NOL4: variants seen among roughly 807,000 people sequenced by gnomAD.
NOL4 encodes nucleolar protein 4.
In NOL4, 17 loss-of-function variants were observed where a neutral mutation model predicts 75.9. That is an observed-to-expected ratio of 0.22 (90% CI 0.15 to 0.34). The LOEUF is 0.34. Ranked by LOEUF, NOL4 falls within the 10% of genes least tolerant of loss-of-function variation. The pLI, the probability that NOL4 is intolerant of heterozygous loss-of-function variation, is 1.00. For missense variants in NOL4, 614 were observed against 793.5 expected, an observed-to-expected ratio of 0.77 and a Z score of 2.72; for synonymous variants, 292 against 289.9, an observed-to-expected ratio of 1.01 and a Z score of -0.07.
rs115977338 is a variant in NOL4, at chr18:34,185,718, A to G, written c.264+37272T>C. On this transcript the variant is annotated intron_variant, in intron 1 of 10. Transcript: ENST00000261592. ...CACTTTCTTTCACTTTATAGAGTGC[A>G]TGAGCTTTGTACCTCTCATTTCAAG... Among the ~76,000 whole-genome samples the G allele has an allele frequency of 6.9e-3, 1,043 of 152,242 alleles. 13 individuals carry two copies. The highest frequency in any genetic ancestry group is 0.023 in the African/African-American group (953 of 41,568).
chr18:33,864,989 C>A (rs1369356884), intron 10 of NOL4, among the ~76,000 whole-genome samples: 1 of 152,128 alleles, frequency 6.6e-6, no homozygotes, highest in African/African-American at 2.4e-5. Flanking sequence ...ATTTAATCAC[C>A]TCCCATCATG....
chr18:34,204,004 G>A (rs2035945148), intron 1 of NOL4, among the ~76,000 whole-genome samples: 2 of 152,010 alleles, frequency 1.3e-5, no homozygotes, highest in African/African-American at 4.8e-5. Context: ...ATAAGACAGT[G>A]TAGACAGTGT....
chr18:34,184,055 T>A (rs932831104), intron 1 of NOL4, among the ~76,000 whole-genome samples: 1 of 151,800 alleles, frequency 6.6e-6, no homozygotes, highest in Non-Finnish European at 1.5e-5. Context: ...AAGTTAACTA[T>A]GCAAATGAAC....
chr18:34,036,440 G>A (rs2075902064), intron 5 of NOL4, among the ~76,000 whole-genome samples: 1 of 152,016 alleles, frequency 6.6e-6, no homozygotes, highest in African/African-American at 2.4e-5. Flanking sequence ...AACCAATTAG[G>A]CATAGAAGGA....
At chr18:33,972,528 T>C (rs1410380751) in intron 6 of NOL4, among the ~76,000 whole-genome samples, 1 of 152,172 alleles carries the variant, frequency 6.6e-6, no homozygotes, top group Non-Finnish European at 1.5e-5. Context: ...TGTAAAATCG[T>C]GCAACTAACA....
chr18:33,896,867 T>C (rs1197053121), intron 9 of NOL4, among the ~76,000 whole-genome samples: 1 of 152,054 alleles, frequency 6.6e-6, no homozygotes, highest in African/African-American at 2.4e-5. Context: ...TTGCCAACCA[T>C]GCATCTGACA....
At chr18:34,203,994 A>G (rs1216950111) in intron 1 of NOL4, among the ~76,000 whole-genome samples, 1 of 152,082 alleles carries the variant, frequency 6.6e-6, no homozygotes, top group Admixed American at 6.6e-5. Flanking sequence ...ACAAGTGCTG[A>G]TAAGACAGTG....
intron 9 of NOL4, among the ~76,000 whole-genome samples, chr18:33,930,678 AT>A (rs992538995): frequency 2.0e-5 from 3 of 152,158 alleles, no homozygotes; most frequent in Admixed American, 6.6e-5. Context: ...AAAAGCACAC[AT>A]TTTTTAGGAC....
intron 5 of NOL4, among the ~76,000 whole-genome samples, chr18:34,042,391 G>A (rs1334704405): frequency 6.6e-6 from 1 of 152,002 alleles, no homozygotes; most frequent in African/African-American, 2.4e-5. Flanking sequence ...AAAGTTGAGA[G>A]GAATATGTCC....
At chr18:34,200,586 G>T (rs1007757047) in intron 1 of NOL4, among the ~76,000 whole-genome samples, 12 of 151,498 alleles carry the variant, frequency 7.9e-5, no homozygotes, top group Middle Eastern at 3.4e-3. Flanking sequence ...TAACTTTTAC[G>T]AATCTTTTAC....
chr18:34,190,997 A>T (rs547425765), intron 1 of NOL4, among the ~76,000 whole-genome samples: 38 of 152,232 alleles, frequency 2.5e-4, no homozygotes, highest in African/African-American at 8.4e-4. Context: ...TTACTTAAAA[A>T]TATAAAGATA....
intron 5 of NOL4, among the ~76,000 whole-genome samples, chr18:34,054,202 A>T (rs1475795284): frequency 6.6e-6 from 1 of 151,914 alleles, no homozygotes; most frequent in Non-Finnish European, 1.5e-5. Flanking sequence ...CTTTATATGT[A>T]TGTTAGGTCC....
intron 5 of NOL4, chr18:34,048,385 G>T: frequency 1.1e-6 from 1 of 925,568 alleles, no homozygotes; most frequent in Non-Finnish European, 1.3e-6. Context: ...TCTTCAACAA[G>T]ACTTAGACAA....
intron 1 of NOL4, among the ~76,000 whole-genome samples, chr18:34,191,759 G>T (rs2034933396): frequency 2.0e-5 from 3 of 152,166 alleles, no homozygotes; most frequent in Admixed American, 2.0e-4. Context: ...AGCTGGAAAA[G>T]CAAGTGTGTA....
chr18:34,083,111 T>C (rs1175825851), intron 5 of NOL4, among the ~76,000 whole-genome samples: 1 of 152,200 alleles, frequency 6.6e-6, no homozygotes, highest in Non-Finnish European at 1.5e-5. Flanking sequence ...TCTTTATATA[T>C]ACACATACCC....
chr18:33,995,082 C>T (rs2073177654), intron 6 of NOL4, among the ~76,000 whole-genome samples: 1 of 151,546 alleles, frequency 6.6e-6, no homozygotes, highest in Non-Finnish European at 1.5e-5. Context: ...CATAAGCAAT[C>T]ATGGTAGACA....
rs746860695 is a variant in NOL4, at chr18:34,034,029, C to A, written c.773-14428G>T. ...ATTCATTAGCACTAGACTCTCCCTA[C>A]GAGAAATGCTCAAGGCAGTCTTCAA... On this transcript the variant is annotated intron_variant, in intron 5 of 10. Transcript: ENST00000261592. 2.0e-5 allele frequency among the ~76,000 whole-genome samples: 3 copies of A among 152,116 alleles called. No individual in the cohort carries two copies. The South Asian group carries it at 6.2e-4, about 31-fold the overall frequency.
chr18:34,183,499 C>G (rs1034015926), intron 1 of NOL4: 9 of 151,782 alleles, frequency 5.9e-5, no homozygotes, highest in Non-Finnish European at 1.0e-4. Context: ...TAAAGTTAAA[C>G]AAGAAAATGA....
chr18:34,110,128 CAAAAAAAAAAAAA>C lies in NOL4; in HGVS notation c.415-4981_415-4969del, dbSNP rs57576599. Among the ~76,000 whole-genome samples, 36 of 47,866 alleles carry C rather than the reference CAAAAAAAAAAAAA, an allele frequency of 7.5e-4. No individual in the cohort carries two copies. The South Asian group carries it at 0.011, about 15-fold the overall frequency. The allele number at this position is 47,866 out of a possible 152,430, so 31.4% of individuals were successfully genotyped here. On this transcript the variant is annotated intron_variant, in intron 2 of 10. Transcript: ENST00000261592. ...AACTCCTTCCATCCCCGCCCTCCCA[CAAAAAAAAAAAAA>C]AAAAAAAAAAAAAAAAAAAAAATAC...
Sources: allele counts gnomAD v4.1 joint callset (sites outside exome capture counted in the v4.1 genomes callset), GRCh38; gene constraint gnomAD v4.1.1; transcripts MANE v1.5; gene names NCBI Gene and HGNC (gene_info 2026-07-23, HGNC 2026-07-21).